The following SUGCT variants were observed in gnomAD, a reference collection of about 807,000 sequenced individuals.
SUGCT encodes succinyl-CoA:glutarate CoA-transferase.
In SUGCT, 41 loss-of-function variants were observed where a neutral mutation model predicts 55.0. The ratio of observed to expected loss-of-function variants is 0.74; its 90% CI spans 0.58 to 0.97. The LOEUF (loss-of-function observed/expected upper bound fraction) is 0.97, where lower values mean the gene tolerates loss of function less well. SUGCT is among the 50% of genes least tolerant of loss of function. The probability of loss-of-function intolerance (pLI) is 0.00; values close to 1 mark genes in which losing one functional copy is unlikely to be tolerated. For synonymous variants in SUGCT, 187 were observed against 200.4 expected (o/e 0.93, Z 0.56); for missense variants, 568 against 547.8 (o/e 1.04, Z -0.37).
chr7:40,298,256 A>T (rs1185694552), intron 8 of SUGCT, among the ~76,000 whole-genome samples: 2 of 151,848 alleles, frequency 1.3e-5, no homozygotes, highest in Non-Finnish European at 2.9e-5. Context: ...GAGGTTAGTG[A>T]GGGGAAGAGG....
chr7:40,311,512 A>G (rs115797215), intron 8 of SUGCT, among the ~76,000 whole-genome samples: 90 of 152,092 alleles, frequency 5.9e-4, no homozygotes, highest in African/African-American at 2.0e-3. Flanking sequence ...GCCTCTGTCT[A>G]CCTTTCTCTT....
intron 4 of SUGCT, 74 bp downstream of exon 4, chr7:40,188,654 G>T: frequency 1.1e-6 from 1 of 912,808 alleles, no homozygotes; most frequent in East Asian, 2.9e-5. Context: ...TATCATTGTG[G>T]CTTGTTTTTT....
Position 40,194,026 on chromosome 7 carries a change from C to T in SUGCT, c.364-914C>T, listed in dbSNP as rs372390468. Among the ~76,000 whole-genome samples, 90 of 152,210 alleles carry T rather than the reference C, an allele frequency of 5.9e-4. 2 individuals are homozygous for T. The South Asian group carries it at 0.017, about 29-fold the overall frequency. ...CTGCATTGTCCTCTAATTCCCGTAA[C>T]AGCGGTCTGGGCATCACAATCTGGA... On this transcript the variant is annotated intron_variant, in intron 5 of 13. Transcript: ENST00000335693.
At chr7:40,210,449 C>CAT (rs1177377724) in intron 6 of SUGCT, among the ~76,000 whole-genome samples, 16 of 151,204 alleles carry the variant, frequency 1.1e-4, no homozygotes, top group African/African-American at 2.9e-4. Flanking sequence ...GCTGTATGTG[C>CAT]ATATATATGT....
intron 1 of SUGCT, among the ~76,000 whole-genome samples, chr7:40,168,253 G>A (rs1370706464): frequency 6.6e-6 from 1 of 152,172 alleles, no homozygotes; most frequent in African/African-American, 2.4e-5. Flanking sequence ...CCCAAGTGCT[G>A]TAGGGGAGGT....
At chr7:40,894,733 A>G in the SUGCT span, among the ~76,000 whole-genome samples, 6 of 152,366 alleles carry the variant, frequency 3.9e-5, no homozygotes, top group South Asian at 6.2e-4. Flanking sequence ...TATTCATTAG[A>G]GAAATGCAAA....
At chr7:40,738,859 G>T (rs1186682623) in intron 12 of SUGCT, among the ~76,000 whole-genome samples, 1 of 152,088 alleles carries the variant, frequency 6.6e-6, no homozygotes, top group African/African-American at 2.4e-5. Flanking sequence ...ATTATTCCTT[G>T]TCACAAACAT....
At position 40,348,986 on chromosome 7, in the gene SUGCT, G is replaced by GT. The variant is rs569305891; in HGVS notation, c.816+32138dup. Among the ~76,000 whole-genome samples, 29 of 152,124 alleles carry GT rather than the reference G, an allele frequency of 1.9e-4. No individual in the cohort carries two copies. In the East Asian group the frequency reaches 4.3e-3, roughly 22 times the overall value. ...CTACATAGATGGTTTTGAAATTCTT[G>GT]TTTTTTTGCTGCACCTGGAGGACTC... On this transcript the variant is annotated intron_variant, in intron 9 of 13. Transcript: ENST00000335693.
chr7:40,336,447 G>A (rs1241400258), intron 9 of SUGCT, among the ~76,000 whole-genome samples: 7 of 151,912 alleles, frequency 4.6e-5, no homozygotes, highest in Admixed American at 3.9e-4. Context: ...GTCTATTCAG[G>A]GATTCAACTT....
intron 12 of SUGCT, among the ~76,000 whole-genome samples, chr7:40,564,822 A>G (rs777214911): frequency 3.3e-5 from 5 of 152,136 alleles, no homozygotes; most frequent in Non-Finnish European, 7.4e-5. Context: ...TGAACTGGGC[A>G]CTCTAAGAGA....
chr7:40,542,278 A>G (rs895856800), intron 12 of SUGCT, among the ~76,000 whole-genome samples: 12 of 152,194 alleles, frequency 7.9e-5, no homozygotes, highest in African/African-American at 2.9e-4. Flanking sequence ...CACCTCACAG[A>G]TGAGTAAACC....
intron 12 of SUGCT, among the ~76,000 whole-genome samples, chr7:40,499,726 A>G (rs1792176484): frequency 6.6e-6 from 1 of 152,186 alleles, no homozygotes; most frequent in Non-Finnish European, 1.5e-5. Context: ...TGCATTATAG[A>G]TGTATAATAT....
At chr7:40,741,434 C>A (rs933435977) in intron 12 of SUGCT, among the ~76,000 whole-genome samples, 4 of 152,094 alleles carry the variant, frequency 2.6e-5, no homozygotes, top group African/African-American at 9.7e-5. Flanking sequence ...TAATAAGATA[C>A]CATTTCACAG....
chr7:40,886,989 C>T, the SUGCT span, among the ~76,000 whole-genome samples: 3 of 152,142 alleles, frequency 2.0e-5, no homozygotes, highest in Admixed American at 6.5e-5. Context: ...CTTCCGTTTC[C>T]CTTGGACCTA....
At chr7:41,009,689 C>T in the SUGCT span, among the ~76,000 whole-genome samples, 2 of 152,120 alleles carry the variant, frequency 1.3e-5, no homozygotes. Context: ...TCCTTCCATC[C>T]ACTATCCATC....
chr7:40,304,610 C>G (rs901008501), intron 8 of SUGCT, among the ~76,000 whole-genome samples: 2 of 151,064 alleles, frequency 1.3e-5, no homozygotes, highest in Admixed American at 6.6e-5. Flanking sequence ...CTGCAAGTCC[C>G]CAAAGTCCAG....
At chr7:40,726,697 G>C (rs868252425) in intron 12 of SUGCT, among the ~76,000 whole-genome samples, 2 of 152,158 alleles carry the variant, frequency 1.3e-5, no homozygotes, top group Non-Finnish European at 2.9e-5. Flanking sequence ...CGCCGCAACC[G>C]AATTGCCAGG....
chr7:40,227,396 A>G (rs1788441387), intron 6 of SUGCT, among the ~76,000 whole-genome samples: 1 of 151,926 alleles, frequency 6.6e-6, no homozygotes, highest in South Asian at 2.1e-4. Context: ...AATAATGATA[A>G]TTCATGGCCA....
rs190054204 is a variant in SUGCT at position 40,429,247 on chromosome 7, C to T, written c.817-20040C>T. ...CATTAGATCTCTTAACTTGTTAATC[C>T]TGTATATCTGCTATTTTGTATCCTC... On this transcript the variant is annotated intron_variant, in intron 9 of 13. Coordinates refer to ENST00000335693, the MANE Select transcript of SUGCT (RefSeq NM_001193313.2). Among the ~76,000 whole-genome samples the T allele has an allele frequency of 3.0e-3, 461 of 152,126 alleles. 2 individuals carry two copies. Among genetic ancestry groups the T allele is most frequent in the African/African-American group, 0.01 (419 of 41,496 alleles).
Sources: allele counts gnomAD v4.1 joint callset (sites outside exome capture counted in the v4.1 genomes callset), GRCh38; gene constraint gnomAD v4.1.1; transcripts MANE v1.5; gene names NCBI Gene and HGNC (gene_info 2026-07-23, HGNC 2026-07-21).